The following PCDHGB7 variants were observed in gnomAD, a reference collection of about 807,000 sequenced individuals.
PCDHGB7 encodes the protein protocadherin gamma subfamily B, 7, also known as protocadherin gamma-B7.
In PCDHGB7, 37 loss-of-function variants were observed where a neutral mutation model predicts 61.4. The observed-to-expected ratio is 0.60, with a 90% CI of 0.46 to 0.79. The LOEUF (loss-of-function observed/expected upper bound fraction) is 0.79, where lower values mean the gene tolerates loss of function less well. PCDHGB7 is among the 30% of genes least tolerant of loss of function. The pLI, the probability that PCDHGB7 is intolerant of heterozygous loss-of-function variation, is 0.00. For missense variants in PCDHGB7, 1,166 were observed against 1,202.5 expected (o/e 0.97, Z 0.45); for synonymous variants, 464 against 503.5 (o/e 0.92, Z 1.05).
At chr5:141,501,470 TG>T (rs1206698871) in intron 2 of PCDHGB7, among the ~76,000 whole-genome samples, 1 of 152,068 alleles carries the variant, frequency 6.6e-6, no homozygotes, top group African/African-American at 2.4e-5. Flanking sequence ...CCCCAAATCC[TG>T]GAAGAGTCCC....
intron 1 of PCDHGB7, among the ~76,000 whole-genome samples, chr5:141,445,720 G>T (rs2098475440): frequency 6.6e-6 from 1 of 152,158 alleles, no homozygotes; most frequent in Non-Finnish European, 1.5e-5. Flanking sequence ...AGAGGAAATA[G>T]CATGTGTAAA....
intron 3 of PCDHGB7, 110 bp downstream of exon 3, chr5:141,505,591 G>T: frequency 6.4e-7 from 1 of 1,570,280 alleles, no homozygotes; most frequent in Non-Finnish European, 8.7e-7. Flanking sequence ...AGTTTCTCCA[G>T]ATCTTTCGGC....
chr5:141,484,958 G>C (rs2099604320), intron 1 of PCDHGB7: 1 of 575,756 alleles, frequency 1.7e-6, no homozygotes, highest in Non-Finnish European at 3.1e-6. Flanking sequence ...TATTGGCTGA[G>C]CCCGGGAGCC....
chr5:141,490,010 T>C lies in PCDHGB7; in HGVS notation c.2416-4797T>C, dbSNP rs749356078. On this transcript the variant is annotated intron_variant, in intron 1 of 3. Coordinates refer to ENST00000398594, the MANE Select transcript of PCDHGB7 (RefSeq NM_018927.4). The surrounding 1 kb of genome is among the most constrained non-coding windows in gnomAD (Gnocchi z 5.4). ...GTGGGAATCCCAGAGAATGCACCCA[T>C]TGGTACTCTGCTGCTCCGCCTCAAT... 11 of 1,614,198 alleles carry C rather than the reference T, an allele frequency of 6.8e-6. No homozygotes were observed. The highest frequency in any genetic ancestry group is 2.2e-5 in the South Asian group (2 of 91,082).
rs1156927948 is a variant in PCDHGB7, at chr5:141,490,342, G to A, written c.2416-4465G>A. 16 of 1,614,126 alleles carry A rather than the reference G, an allele frequency of 9.9e-6. 1 individual carries two copies. In the Admixed American group the frequency reaches 1.3e-4, roughly 13 times the overall value. ...CCTAGAGAGCACACCAGTGGGCACA[G>A]TAGTGGGGTTGTTTAATGTGCGAGA... On this transcript the variant is annotated intron_variant, in intron 1 of 3. Coordinates refer to ENST00000398594, the MANE Select transcript of PCDHGB7 (RefSeq NM_018927.4). This position sits in a 1 kb window ranked among gnomAD's most constrained non-coding sequence, Gnocchi z 5.4.
At chr5:141,445,900 T>C (rs2098480876) in intron 1 of PCDHGB7, among the ~76,000 whole-genome samples, 1 of 152,224 alleles carries the variant, frequency 6.6e-6, no homozygotes, top group African/African-American at 2.4e-5. Flanking sequence ...TATTAAAATA[T>C]TTTAAACAAG....
chr5:141,448,786 A>C (rs1354591718), intron 1 of PCDHGB7, among the ~76,000 whole-genome samples: 1 of 148,848 alleles, frequency 6.7e-6, no homozygotes, highest in African/African-American at 2.5e-5. Flanking sequence ...TAAAAATACA[A>C]AAAAAAAAAT....
chr5:141,471,730 G>A (rs535784858), intron 1 of PCDHGB7, among the ~76,000 whole-genome samples: 1 of 152,292 alleles, frequency 6.6e-6, no homozygotes, highest in East Asian at 1.9e-4. Context: ...GGTAAGGAAG[G>A]TTGGAGACAT....
chr5:141,499,418 A>G (rs143234735), intron 2 of PCDHGB7, among the ~76,000 whole-genome samples: 1 of 152,296 alleles, frequency 6.6e-6, no homozygotes, highest in East Asian at 1.9e-4. Context: ...GAAACATGAA[A>G]AATAGAAAAA....
In PCDHGB7 at chr5:141,431,320, C is replaced by A. The variant is rs993831541; in HGVS notation, c.2415+11046C>A. ...CCCTCATCGTGCAAAATGGAGCCGA[C>A]GGTAGTAAGTACCCCGAATTGGTGC... On this transcript the variant is annotated intron_variant, in intron 1 of 3. Transcript: ENST00000398594. This position sits in a 1 kb window ranked among gnomAD's most constrained non-coding sequence, Gnocchi z 4.8. 1 of 1,614,102 alleles carries A rather than the reference C, an allele frequency of 6.2e-7. No individual in the cohort carries two copies. The highest frequency in any genetic ancestry group is 1.7e-5 in the Admixed American group (1 of 60,032).
chr5:141,423,330 C>T (rs932335651), intron 1 of PCDHGB7: 2 of 1,614,174 alleles, frequency 1.2e-6, no homozygotes, highest in Non-Finnish European at 1.7e-6. Flanking sequence ...TGGCCGCAGT[C>T]TCCTGCATCT....
At chr5:141,437,796 G>A (rs2097911691) in intron 1 of PCDHGB7, among the ~76,000 whole-genome samples, 1 of 150,348 alleles carries the variant, frequency 6.7e-6, no homozygotes, top group South Asian at 2.1e-4. Context: ...GGAGTGCAGT[G>A]GCACTATCTT....
In PCDHGB7 at chr5:141,490,455, G is replaced by A. The variant is rs746957706; in HGVS notation, c.2416-4352G>A. The A allele has an allele frequency of 9.3e-6, 15 of 1,614,010 alleles. No individual in the cohort carries two copies. The highest frequency in any genetic ancestry group is 2.2e-5 in the South Asian group (2 of 91,084). ...TTAAGCCTTCTGAGAACCACTACTC[G>A]CTGCTAACCAGCCAGCCTTTGGACC... On this transcript the variant is annotated intron_variant, in intron 1 of 3. Coordinates refer to ENST00000398594, the MANE Select transcript of PCDHGB7 (RefSeq NM_018927.4). The surrounding 1 kb of genome is among the most constrained non-coding windows in gnomAD (Gnocchi z 5.4).
At chr5:141,457,719 G>T (rs1437841051) in intron 1 of PCDHGB7, among the ~76,000 whole-genome samples, 1 of 152,226 alleles carries the variant, frequency 6.6e-6, no homozygotes, top group Non-Finnish European at 1.5e-5. Context: ...GTTCCACAAG[G>T]AATTTCAGAT....
In PCDHGB7 at chr5:141,491,928, G is replaced by T; in HGVS notation, c.2416-2879G>T. 1 of 1,301,482 alleles carries T rather than the reference G, an allele frequency of 7.7e-7. No homozygotes were observed. Among genetic ancestry groups the T allele is most frequent in the South Asian group, 1.6e-5 (1 of 63,466 alleles). 80.6% of individuals were successfully genotyped at this position (1,301,482 alleles called of 1,614,324 possible). A position where few individuals can be genotyped will look rare whatever the true frequency, so the allele number is the denominator to read the frequency against. On this transcript the variant is annotated intron_variant, in intron 1 of 3. Coordinates refer to ENST00000398594, the MANE Select transcript of PCDHGB7 (RefSeq NM_018927.4). The surrounding 1 kb of genome is among the most constrained non-coding windows in gnomAD (Gnocchi z 6.9). ...TGGTGGCGACTGTGGGCGAGGGGAG[G>T]TGGGACCGACCCCCACCCCTACACT... is the stretch of plus-strand genomic sequence containing the variant.
rs112156044 is a variant in PCDHGB7, at chr5:141,476,771, G to T, written c.2416-18036G>T. ...CCAGTTAGTGCTGACGGCGTTGGAC[G>T]GAGGGACCCCAGCTCTCTCCGCCAG... On this transcript the variant is annotated intron_variant, in intron 1 of 3. Coordinates refer to ENST00000398594, the MANE Select transcript of PCDHGB7 (RefSeq NM_018927.4). The surrounding 1 kb of genome is among the most constrained non-coding windows in gnomAD (Gnocchi z 7.6). The T allele has an allele frequency of 6.2e-7, 1 of 1,613,700 alleles. No homozygotes were observed. The highest frequency in any genetic ancestry group is 1.1e-5 in the South Asian group (1 of 91,084).
At position 141,493,774 on chromosome 5, in the gene PCDHGB7, C is replaced by T. The variant is rs2099749996; in HGVS notation, c.2416-1033C>T. On this transcript the variant is annotated intron_variant, in intron 1 of 3. Coordinates refer to ENST00000398594, the MANE Select transcript of PCDHGB7 (RefSeq NM_018927.4). The surrounding 1 kb of genome is among the most constrained non-coding windows in gnomAD (Gnocchi z 4.3). ...GCCTTGAGTGAGCCACTGGCAGTTC[C>T]GGAGCTTCCTTCTCCCTGGAGTAAT... Among the ~76,000 whole-genome samples, 1 of 152,258 alleles carries T rather than the reference C, an allele frequency of 6.6e-6. No homozygotes were observed. The highest frequency in any genetic ancestry group is 1.9e-4 in the East Asian group (1 of 5,176).
At chr5:141,464,134 G>A (rs1270558696) in intron 1 of PCDHGB7, among the ~76,000 whole-genome samples, 1 of 151,944 alleles carries the variant, frequency 6.6e-6, no homozygotes, top group Admixed American at 6.6e-5. Context: ...GTGTGGTGGT[G>A]GGCGCCTGTA....
At chr5:141,420,551 ATTTTTACGGCATGGT>A (rs2096505176) in intron 1 of PCDHGB7, 3 of 266,550 alleles carry the variant, frequency 1.1e-5, no homozygotes, top group Admixed American at 5.1e-5. Context: ...ATACAGGTAT[ATTTTTACGGCATGGT>A]ATTTTAATTG....
Sources: allele counts gnomAD v4.1 joint callset (sites outside exome capture counted in the v4.1 genomes callset), GRCh38; gene constraint gnomAD v4.1.1; non-coding constraint Gnocchi (gnomAD v3.1); transcripts MANE v1.5; gene names NCBI Gene and HGNC (gene_info 2026-07-23, HGNC 2026-07-21).